The following ITPR1 variants were observed in gnomAD, a reference collection of about 807,000 sequenced individuals.
ITPR1 encodes inositol 1,4,5-trisphosphate receptor type 1, also known as inositol 1,4,5-trisphosphate-gated calcium channel ITPR1.
Under a neutral mutation model 318.4 loss-of-function variants are expected in ITPR1, and 96 were observed. The observed-to-expected ratio is 0.30, with a 90% confidence interval of 0.26 to 0.36. The LOEUF is 0.36. Among genes scored for constraint, ITPR1 ranks in the 10% least tolerant of loss-of-function variants. The pLI, the probability that ITPR1 is intolerant of heterozygous loss-of-function variation, is 1.00. For synonymous variants in ITPR1, 1,312 were observed against 1,289.9 expected (o/e 1.02, Z -0.37); for missense variants, 2,440 against 3,460.2 (o/e 0.71, Z 7.40).
intron 15 of ITPR1, 99 bp from the exon 16 acceptor site, chr3:4,662,966 T>C (rs756905573): frequency 1.1e-5 from 11 of 1,015,706 alleles, no homozygotes; most frequent in African/African-American, 1.6e-5. Context: ...GGTCTGCCCC[T>C]GTTTAACTGG....
chr3:4,830,970 G>T (rs969874727), intron 60 of ITPR1: 2 of 456,578 alleles, frequency 4.4e-6, no homozygotes, highest in Admixed American at 4.7e-5. Context: ...CTCTGAGGAG[G>T]TGATTGATTA....
At chr3:4,843,487 C>T (rs905424866) in intron 61 of ITPR1, among the ~76,000 whole-genome samples, 3 of 152,150 alleles carry the variant, frequency 2.0e-5, no homozygotes, top group African/African-American at 7.2e-5. Flanking sequence ...TCTGGGAAAT[C>T]GTTAGAAAAG....
intron 4 of ITPR1, among the ~76,000 whole-genome samples, chr3:4,529,393 T>C (rs570956262): frequency 9.0e-4 from 137 of 152,334 alleles, no homozygotes; most frequent in Admixed American, 5.0e-3. Flanking sequence ...AATGGGGTCA[T>C]ATTGTCATAT....
In ITPR1 at chr3:4,824,568, T is replaced by G. The variant is rs191873910; in HGVS notation, c.8028+6326T>G. ...CTGGCTGGCGGCATCTGGTTTGGAC[T>G]GGCGCATCTTAGACTTGGACTGGCT... On this transcript the variant is annotated intron_variant, in intron 60 of 61. Coordinates refer to ENST00000649015, the MANE Select transcript of ITPR1 (RefSeq NM_001378452.1). Among the ~76,000 whole-genome samples, 418 of 152,250 alleles carry G rather than the reference T, an allele frequency of 2.7e-3. 2 individuals are homozygous for G. The highest frequency in any genetic ancestry group is 9.8e-3 in the African/African-American group (409 of 41,538).
intron 31 of ITPR1, among the ~76,000 whole-genome samples, chr3:4,690,258 A>G (rs6792465): frequency 0.43 from 65,576 of 151,852 alleles, 15,513 homozygotes; most frequent in Non-Finnish European, 0.56. Flanking sequence ...CTGGGTGACA[A>G]AGCAAGACTG....
At chr3:4,549,133 G>A (rs1046707283) in intron 4 of ITPR1, among the ~76,000 whole-genome samples, 18 of 152,198 alleles carry the variant, frequency 1.2e-4, no homozygotes, top group African/African-American at 4.3e-4. Context: ...AAATTGTAGT[G>A]TGTAAATGTT....
chr3:4,824,685 A>G (rs576383127), intron 60 of ITPR1, among the ~76,000 whole-genome samples: 1 of 152,068 alleles, frequency 6.6e-6, no homozygotes, highest in Non-Finnish European at 1.5e-5. Flanking sequence ...TAGAGAGGAG[A>G]GTGGGAAAGA....
chr3:4,777,108 T>C lies in ITPR1; in HGVS notation c.6181-156T>C, dbSNP rs4684443. On this transcript the variant is annotated intron_variant, in intron 47 of 61. Coordinates refer to ENST00000649015, the MANE Select transcript of ITPR1 (RefSeq NM_001378452.1). Reference sequence around the variant, plus strand: ...ACTAGAGATTTTCATCTGTCTTTTATTCTTACCACTTTCTCACGGAAAATT... The same window carrying C: ...ACTAGAGATTTTCATCTGTCTTTTACTCTTACCACTTTCTCACGGAAAATT... Among the ~76,000 whole-genome samples the C allele has an allele frequency of 0.74, 112,288 of 152,182 alleles. 41,842 individuals carry two copies. The highest frequency in any genetic ancestry group is 0.98 in the East Asian group (5,092 of 5,188).
intron 4 of ITPR1, among the ~76,000 whole-genome samples, chr3:4,573,962 G>T (rs1026660117): frequency 6.6e-6 from 1 of 152,196 alleles, no homozygotes; most frequent in African/African-American, 2.4e-5. Flanking sequence ...CTGAAAAGAT[G>T]CTCAATAACT....
chr3:4,733,058 A>G lies in ITPR1; in HGVS notation c.5221-30A>G, dbSNP rs772133984. 2.5e-6 allele frequency: 4 copies of G among 1,603,208 alleles called. No homozygotes were observed. The Admixed American group carries it at 6.8e-5, about 27-fold the overall frequency. ...CCCTCGGTGATGCATTAAATGCAGA[A>G]GCTGATTTTATTATCCTGTTTGAAT... On this transcript the variant is annotated intron_variant, in intron 42 of 61. Coordinates refer to ENST00000649015, the MANE Select transcript of ITPR1 (RefSeq NM_001378452.1).
chr3:4,613,014 G>C (rs1387272462), intron 4 of ITPR1, among the ~76,000 whole-genome samples: 1 of 152,242 alleles, frequency 6.6e-6, no homozygotes, highest in East Asian at 1.9e-4. Context: ...TTAAGGACGT[G>C]CCTGTGACAC....
At chr3:4,731,006 C>T (rs930350177) in intron 42 of ITPR1, among the ~76,000 whole-genome samples, 1 of 152,164 alleles carries the variant, frequency 6.6e-6, no homozygotes, top group Non-Finnish European at 1.5e-5. Context: ...GCCAATCACT[C>T]CTGTTGCTGG....
chr3:4,634,095 G>GT lies in ITPR1; in HGVS notation c.280-5281dup, dbSNP rs200269218. Among the ~76,000 whole-genome samples, 215 of 151,926 alleles carry GT rather than the reference G, an allele frequency of 1.4e-3. 5 individuals carry two copies. The East Asian group carries it at 0.024, about 17-fold the overall frequency. On this transcript the variant is annotated intron_variant, in intron 5 of 61. Coordinates refer to ENST00000649015, the MANE Select transcript of ITPR1 (RefSeq NM_001378452.1). The stretch of plus-strand genomic sequence containing the variant: ...TAGTGGTGGAACCATTTCATAGAGT[G>GT]TTTTTTTTCCCCTTAGAAATTAAAA...
chr3:4,533,314 G>T (rs2083573192), intron 4 of ITPR1, among the ~76,000 whole-genome samples: 1 of 152,228 alleles, frequency 6.6e-6, no homozygotes, highest in Non-Finnish European at 1.5e-5. Context: ...CTACAGCGTG[G>T]TGGTTAGGAG....
At chr3:4,695,966 A>G (rs2094551379) in intron 33 of ITPR1, among the ~76,000 whole-genome samples, 1 of 152,152 alleles carries the variant, frequency 6.6e-6, no homozygotes, top group Non-Finnish European at 1.5e-5. Flanking sequence ...TTGATGTGAT[A>G]CAGTCCAGTT....
Position 4,768,678 on chromosome 3 carries a change from C to G in ITPR1, c.5893C>G (p.Leu1965Val). Residue 1965 changes from leucine (L) to valine (V), a missense_variant, in exon 46 of 62, where the codon CTG becomes GTG. Physicochemically the swap from Leu to Val is conservative, Grantham distance 32. Around this residue, in one of 23 missense-constraint regions of ITPR1, gnomAD observed 113 missense variants for 103.6 expected, o/e 1.09. Coordinates refer to ENST00000649015, the MANE Select transcript of ITPR1 (RefSeq NM_001378452.1). The part of the protein sequence containing the change: ...QATADKAKDD[L>V]EMSAVITIMQ... ...CACTGCCGACAAGGCCAAGGACGAC[C>G]TGGAGATGAGCGCGGTCATCACCAT... The G allele has an allele frequency of 6.2e-7, 1 of 1,613,936 alleles. No individual in the cohort carries two copies. Among genetic ancestry groups the G allele is most frequent in the Non-Finnish European group, 8.5e-7 (1 of 1,179,886 alleles).
chr3:4,717,337 T>TCC, intron 39 of ITPR1, 30 bp from the exon 40 acceptor site: 1 of 1,507,602 alleles, frequency 6.6e-7, no homozygotes, highest in Non-Finnish European at 9.1e-7. Context: ...AACATTTCCT[T>TCC]CTCTCTCTCT....
chr3:4,820,022 G>A (rs541442384), intron 60 of ITPR1, among the ~76,000 whole-genome samples: 2 of 152,314 alleles, frequency 1.3e-5, no homozygotes, highest in Non-Finnish European at 2.9e-5. Flanking sequence ...CCGGGAGGGT[G>A]CTGGTGATTC....
intron 35 of ITPR1, among the ~76,000 whole-genome samples, chr3:4,700,763 T>C (rs1005379660): frequency 9.2e-5 from 14 of 152,110 alleles, no homozygotes; most frequent in African/African-American, 3.4e-4. Flanking sequence ...TACTGGGCAA[T>C]TTACAGAAGA....
Sources: allele counts gnomAD v4.1 joint callset (sites outside exome capture counted in the v4.1 genomes callset), GRCh38; gene constraint gnomAD v4.1.1; regional missense constraint gnomAD v4.1.1; transcripts MANE v1.5; gene names NCBI Gene and HGNC (gene_info 2026-07-23, HGNC 2026-07-21).